Variants in GPR158 observed in about 807,000 individuals in gnomAD.
GPR158 encodes the protein metabotropic glycine receptor.
A neutral mutation model predicts 78.2 loss-of-function variants in GPR158; 30 were observed. That is an observed-to-expected ratio of 0.38 (90% CI 0.29 to 0.52). GPR158 has a LOEUF of 0.52. Ranked by LOEUF, GPR158 falls within the 20% of genes least tolerant of loss-of-function variation. The probability of loss-of-function intolerance (pLI) is 0.83; values close to 1 mark genes in which losing one functional copy is unlikely to be tolerated. For synonymous variants in GPR158, 581 were observed against 591.1 expected (o/e 0.98, Z 0.25); for missense variants, 1,463 against 1,523.5 (o/e 0.96, Z 0.66).
intron 4 of GPR158, among the ~76,000 whole-genome samples, chr10:25,438,610 GC>G (rs1437289976): frequency 1.3e-5 from 2 of 152,138 alleles, no homozygotes; most frequent in Admixed American, 1.3e-4. Context: ...AAAATTGATG[GC>G]TAAAGATACT....
chr10:25,548,796 T>TAA (rs1836695776), intron 5 of GPR158, among the ~76,000 whole-genome samples: 1 of 152,208 alleles, frequency 6.6e-6, no homozygotes, highest in South Asian at 2.1e-4. Context: ...TTTCATTTCT[T>TAA]ATTATTTTAA....
chr10:25,448,884 A>C (rs1402040551), intron 4 of GPR158, among the ~76,000 whole-genome samples: 1 of 152,210 alleles, frequency 6.6e-6, no homozygotes, highest in African/African-American at 2.4e-5. Flanking sequence ...AAGGCAATAC[A>C]AATGTATTTT....
chr10:25,526,705 T>A (rs1038573671), intron 5 of GPR158, among the ~76,000 whole-genome samples: 1 of 152,192 alleles, frequency 6.6e-6, no homozygotes, highest in Non-Finnish European at 1.5e-5. Context: ...GCAGAAGGTA[T>A]GTTTGCAGCC....
intron 1 of GPR158, among the ~76,000 whole-genome samples, chr10:25,193,282 C>G (rs748458262): frequency 2.0e-5 from 3 of 152,026 alleles, no homozygotes; most frequent in Non-Finnish European, 2.9e-5. Flanking sequence ...GGGAACGTGG[C>G]AGAGAATGGC....
chr10:25,463,164 T>G (rs963137337), intron 4 of GPR158, among the ~76,000 whole-genome samples: 2 of 152,230 alleles, frequency 1.3e-5, no homozygotes, highest in African/African-American at 2.4e-5. Flanking sequence ...AGATTAGAAC[T>G]TGATGAAGCC....
chr10:25,582,390 A>G (rs11596726), intron 7 of GPR158, among the ~76,000 whole-genome samples: 2 of 152,182 alleles, frequency 1.3e-5, no homozygotes, highest in African/African-American at 4.8e-5. Context: ...ACTTAAATGT[A>G]TATGCCAGAG....
intron 5 of GPR158, among the ~76,000 whole-genome samples, chr10:25,474,768 T>A (rs965198394): frequency 2.0e-5 from 3 of 152,164 alleles, no homozygotes; most frequent in Non-Finnish European, 2.9e-5. Flanking sequence ...GAACAAGTTA[T>A]ACTTAGATGA....
chr10:25,184,059 T>C (rs1358856181), intron 1 of GPR158, among the ~76,000 whole-genome samples: 3 of 152,254 alleles, frequency 2.0e-5, no homozygotes, highest in African/African-American at 7.2e-5. Flanking sequence ...TGAAATGTGA[T>C]ATTAGGAAAT....
intron 2 of GPR158, among the ~76,000 whole-genome samples, chr10:25,317,064 T>C (rs952784002): frequency 6.6e-6 from 1 of 152,000 alleles, no homozygotes; most frequent in African/African-American, 2.4e-5. Flanking sequence ...TTTTTTTTTT[T>C]TGAGACAAGG....
In GPR158 at chr10:25,339,478, A is replaced by G. The variant is rs370656679; in HGVS notation, c.1009-56433A>G. Among the ~76,000 whole-genome samples, 10 of 152,050 alleles carry G rather than the reference A, an allele frequency of 6.6e-5. No homozygotes were observed. The East Asian group carries it at 1.7e-3, about 27-fold the overall frequency. Reference sequence around the variant, plus strand: ...TAACATGTTTATTTCTTCCTTTCCAATTCTCACACCTTCAGTTTGTTTTTC... The same window carrying G: ...TAACATGTTTATTTCTTCCTTTCCAGTTCTCACACCTTCAGTTTGTTTTTC... On this transcript the variant is annotated intron_variant, in intron 2 of 10. Coordinates refer to ENST00000376351, the MANE Select transcript of GPR158 (RefSeq NM_020752.3).
At chr10:25,463,006 C>T (rs1171315307) in intron 4 of GPR158, among the ~76,000 whole-genome samples, 4 of 152,104 alleles carry the variant, frequency 2.6e-5, no homozygotes, top group Non-Finnish European at 2.9e-5. Context: ...ACAAAGAAAT[C>T]TCTCATGAAA....
chr10:25,417,674 T>C (rs1318758767), intron 4 of GPR158, among the ~76,000 whole-genome samples: 1 of 152,156 alleles, frequency 6.6e-6, no homozygotes, highest in African/African-American at 2.4e-5. Flanking sequence ...CTATGTGCTA[T>C]TATAGTAGGT....
At chr10:25,405,726 G>T (rs1233154978) in intron 3 of GPR158, among the ~76,000 whole-genome samples, 6 of 151,772 alleles carry the variant, frequency 4.0e-5, no homozygotes, top group African/African-American at 1.2e-4. Context: ...TTAACTGGAA[G>T]AAATTTATTT....
At chr10:25,317,584 A>C (rs67969515) in intron 2 of GPR158, among the ~76,000 whole-genome samples, 30,566 of 151,730 alleles carry the variant, frequency 0.2, 5,196 homozygotes, top group African/African-American at 0.47. Context: ...ATTTGTTTTA[A>C]TATTCCCCAT....
chr10:25,225,783 G>A (rs1412547258), intron 2 of GPR158, among the ~76,000 whole-genome samples: 2 of 152,054 alleles, frequency 1.3e-5, no homozygotes, highest in African/African-American at 4.8e-5. Flanking sequence ...AATGTATTGG[G>A]TGAAAATCTA....
At chr10:25,276,291 T>A (rs1041881208) in intron 2 of GPR158, among the ~76,000 whole-genome samples, 2 of 152,188 alleles carry the variant, frequency 1.3e-5, no homozygotes, top group African/African-American at 4.8e-5. Context: ...TGCTGTTAGG[T>A]TCACTGGACT....
At chr10:25,291,628 AT>A (rs1388066825) in intron 2 of GPR158, among the ~76,000 whole-genome samples, 1 of 152,112 alleles carries the variant, frequency 6.6e-6, no homozygotes, top group Non-Finnish European at 1.5e-5. Flanking sequence ...TTATATTTCA[AT>A]ATACAACTTC....
chr10:25,285,177 A>G (rs977985640), intron 2 of GPR158, among the ~76,000 whole-genome samples: 10 of 151,712 alleles, frequency 6.6e-5, no homozygotes, highest in Non-Finnish European at 1.5e-4. Flanking sequence ...TAGTGTAGGT[A>G]TTGTATTAGC....
chr10:25,359,971 G>A lies in GPR158; in HGVS notation c.1009-35940G>A, dbSNP rs947294258. ...TTGCCATTCTAACTGGCATGAGATG[G>A]TATCTCATGGTGGTTTTGATTTGCA... On this transcript the variant is annotated intron_variant, in intron 2 of 10. Coordinates refer to ENST00000376351, the MANE Select transcript of GPR158 (RefSeq NM_020752.3). 1.6e-4 allele frequency among the ~76,000 whole-genome samples: 24 copies of A among 152,082 alleles called. No individual in the cohort carries two copies. In the East Asian group the frequency reaches 3.3e-3, roughly 21 times the overall value.
Sources: allele counts gnomAD v4.1 joint callset (sites outside exome capture counted in the v4.1 genomes callset), GRCh38; gene constraint gnomAD v4.1.1; transcripts MANE v1.5; gene names NCBI Gene and HGNC (gene_info 2026-07-23, HGNC 2026-07-21).